TMEM255A: variants seen among roughly 807,000 people sequenced by gnomAD.
TMEM255A encodes family with sequence similarity 70, member A.
Under a neutral mutation model 23.5 loss-of-function variants are expected in TMEM255A, and 14 were observed. The ratio of observed to expected loss-of-function variants is 0.60; its 90% CI spans 0.39 to 0.93. The LOEUF (loss-of-function observed/expected upper bound fraction) is 0.93, where lower values mean the gene tolerates loss of function less well. Ranked by LOEUF, TMEM255A falls within the 40% of genes least tolerant of loss-of-function variation. The probability of loss-of-function intolerance (pLI) is 0.00; values close to 1 mark genes in which losing one functional copy is unlikely to be tolerated. For synonymous variants in TMEM255A, 104 were observed against 100.3 expected (o/e 1.04, Z -0.22); for missense variants, 233 against 261.7 (o/e 0.89, Z 0.76).
At chrX:120,286,027 G>A (rs1603402065) in intron 5 of TMEM255A, 3 of 670,639 alleles carry the variant, frequency 4.5e-6, no homozygotes, top group Admixed American at 6.7e-5. Context: ...TCATCCAAAT[G>A]CTTACTGCCT....
At chrX:120,276,559 A>G (rs989192349) in intron 7 of TMEM255A, among the ~76,000 whole-genome samples, 6 of 111,956 alleles carry the variant, frequency 5.4e-5, no homozygotes, top group Admixed American at 4.7e-4. Flanking sequence ...AAATTTTACT[A>G]AAAGTGTGGG....
chrX:120,294,038 G>T lies in TMEM255A; in HGVS notation c.215C>A (p.Ser72Ter), dbSNP rs1408639283. ...YYPGVILGFG[S>*]FLGIIGSNLI... is the part of the protein sequence containing the mutation. The stretch of plus-strand genomic sequence containing the variant: ...GTTTGATCCAATGATTCCAAGGAAC[G>T]ATCCAAAGCCGAGCTGCAAAGCAAT... The change falls in exon 3 of 9, where the codon TCG becomes TAG. Residue 72 changes from serine to a stop codon, truncating the protein, a stop_gained. Coordinates refer to ENST00000371369, the MANE Select transcript of TMEM255A (RefSeq NM_001104544.3). LOFTEE classifies it high-confidence loss of function. The T allele has an allele frequency of 1.7e-6, 2 of 1,188,359 alleles. No individual in the cohort carries two copies.
intron 6 of TMEM255A, among the ~76,000 whole-genome samples, chrX:120,277,605 C>T (rs5957347): frequency 0.25 from 27,293 of 110,814 alleles, 3,914 homozygotes; most frequent in African/African-American, 0.55. Context: ...GGGACTATCA[C>T]CATGCACATT....
In TMEM255A at chrX:120,268,311, A is replaced by C. The variant is rs1291864714; in HGVS notation, c.752T>G (p.Val251Gly). The change falls in exon 8 of 9, where the codon GTG becomes GGG. Residue 251 changes from valine to glycine, a missense_variant. Coordinates refer to ENST00000371369, the MANE Select transcript of TMEM255A (RefSeq NM_001104544.3). ...ATGGTAGTAGGTATTGTAGGATGCC[A>C]CTTGGGGATGAGCATAGTAAGAAAC... ...PTVSYYAHPQ[V>G]ASYNTYYHSP... 3 of 1,208,166 alleles carry C rather than the reference A, an allele frequency of 2.5e-6. No individual in the cohort carries two copies. The highest frequency in any genetic ancestry group is 3.4e-6 in the Non-Finnish European group (3 of 893,632).
intron 1 of TMEM255A, among the ~76,000 whole-genome samples, 179 bp downstream of exon 1, chrX:120,311,073 A>G (rs192544982): frequency 2.6e-4 from 29 of 110,981 alleles, no homozygotes; most frequent in African/African-American, 9.2e-4. Flanking sequence ...CTCCCGCTGC[A>G]GCCAGGCCGC....
chrX:120,290,339 T>C (rs907785994), intron 4 of TMEM255A, among the ~76,000 whole-genome samples: 1 of 111,933 alleles, frequency 8.9e-6, no homozygotes, highest in Non-Finnish European at 1.9e-5. Flanking sequence ...TCAGAGTGAA[T>C]ACTGTTTGTC....
intron 6 of TMEM255A, among the ~76,000 whole-genome samples, chrX:120,283,514 G>C (rs2057850925): frequency 9.0e-6 from 1 of 110,984 alleles, no homozygotes; most frequent in Non-Finnish European, 1.9e-5. Flanking sequence ...TCTGAATCTA[G>C]CTCCATCCAG....
chrX:120,305,364 C>G (rs1298312141), intron 1 of TMEM255A, among the ~76,000 whole-genome samples: 1 of 108,858 alleles, frequency 9.2e-6, no homozygotes, highest in East Asian at 2.8e-4. Flanking sequence ...GCAGGGATTT[C>G]TCAGGCATAG....
At chrX:120,281,167 A>G (rs1556020842) in intron 6 of TMEM255A, among the ~76,000 whole-genome samples, 2 of 112,268 alleles carry the variant, frequency 1.8e-5, no homozygotes, top group Non-Finnish European at 3.8e-5. Flanking sequence ...GTCTCTTAAC[A>G]TTCCTTTGTG....
Position 120,259,533 on chromosome X carries a change from C to G in TMEM255A, c.*1337G>C, listed in dbSNP as rs186316624. ...CAGTGTGTGTTCTGTGTTTGGAGAA[C>G]TGTCTAATTAGGTACCCTCCTGTAG... is the stretch of plus-strand genomic sequence containing the variant. On this transcript the variant is annotated 3_prime_UTR_variant, in exon 9 of 9. Transcript: ENST00000371369. The G allele has an allele frequency of 1.8e-5, 2 of 111,845 alleles. No individual in the cohort carries two copies. Among genetic ancestry groups the G allele is most frequent in the East Asian group, 5.6e-4 (2 of 3,588 alleles). The allele number at this position is 111,845 out of a possible 1,213,427, so 9.2% of individuals were successfully genotyped here. A position where few individuals can be genotyped will look rare whatever the true frequency, so the allele number is the denominator to read the frequency against.
chrX:120,306,858 A>G (rs1217633909), intron 1 of TMEM255A, among the ~76,000 whole-genome samples: 1 of 112,242 alleles, frequency 8.9e-6, no homozygotes, highest in Non-Finnish European at 1.9e-5. Context: ...ACATAGTGTC[A>G]TTTGAAAATC....
At chrX:120,265,205 G>A (rs894557765) in intron 8 of TMEM255A, among the ~76,000 whole-genome samples, 5 of 111,931 alleles carry the variant, frequency 4.5e-5, no homozygotes, top group East Asian at 2.8e-4. Context: ...TGGTATTTTC[G>A]CCTATGAAAC....
chrX:120,274,932 A>T (rs1435325727), intron 7 of TMEM255A, among the ~76,000 whole-genome samples: 1 of 90,222 alleles, frequency 1.1e-5, no homozygotes, highest in African/African-American at 3.8e-5. Context: ...AGCTCTAGGG[A>T]CAATTTAGAG....
At chrX:120,262,823 T>C (rs1454930278) in intron 8 of TMEM255A, among the ~76,000 whole-genome samples, 1 of 112,074 alleles carries the variant, frequency 8.9e-6, no homozygotes, top group Non-Finnish European at 1.9e-5. Context: ...TTTTAGGTGT[T>C]CCCAGCCACA....
chrX:120,296,049 T>G (rs895972042), intron 2 of TMEM255A, among the ~76,000 whole-genome samples: 3 of 111,830 alleles, frequency 2.7e-5, no homozygotes, highest in Non-Finnish European at 5.6e-5. Context: ...CCATGAATAG[T>G]CTCTCCTTTT....
intron 7 of TMEM255A, among the ~76,000 whole-genome samples, chrX:120,272,371 A>G (rs2057767077): frequency 9.0e-6 from 1 of 111,335 alleles, no homozygotes; most frequent in Admixed American, 9.5e-5. Context: ...CCATTGACTG[A>G]GGTTGGCTTT....
chrX:120,264,005 T>G (rs968654093), intron 8 of TMEM255A, among the ~76,000 whole-genome samples: 1 of 110,977 alleles, frequency 9.0e-6, no homozygotes, highest in Non-Finnish European at 1.9e-5. Context: ...AGAGGAAAAA[T>G]AGAGGCACTT....
At chrX:120,257,274 CTT>C (rs1209450354), downstream of TMEM255A, 1 of 122,378 alleles carries the variant, frequency 8.2e-6, no homozygotes, top group African/African-American at 3.3e-5. Flanking sequence ...TAACATTACT[CTT>C]TGACTATAGT....
downstream of TMEM255A, chrX:120,258,171 T>C (rs1358108333): frequency 4.1e-5 from 5 of 123,301 alleles, no homozygotes; most frequent in African/African-American, 1.6e-4. Context: ...GATCAAGGTA[T>C]TTTGTATTGT....
Sources: gnomAD v4.1 joint callset for allele counts (sites outside exome capture counted in the v4.1 genomes callset) on GRCh38, gnomAD v4.1.1 for gene constraint, MANE v1.5 for transcripts, NCBI Gene and HGNC (gene_info 2026-07-23, HGNC 2026-07-21) for gene names.